Variants in PCSK4 observed in about 807,000 individuals in gnomAD.
PCSK4 encodes proprotein convertase subtilisin/kexin type 4.
PCSK4 carries 64 observed loss-of-function variants against 80.3 expected under a neutral mutation model. The ratio of observed to expected loss-of-function variants is 0.80; its 90% CI spans 0.65 to 0.98. PCSK4 has a LOEUF of 0.98. Among genes scored for constraint, PCSK4 ranks in the 50% least tolerant of loss-of-function variants. The pLI, the probability that PCSK4 is intolerant of heterozygous loss-of-function variation, is 0.00. For synonymous variants in PCSK4, 561 were observed against 487.6 expected (o/e 1.15, Z -1.98); for missense variants, 1,213 against 1,093.6 (o/e 1.11, Z -1.54).
Position 1,481,930 on chromosome 19 carries a change from G to A in PCSK4, c.2097C>T (p.Ala699=), listed in dbSNP as rs550655447. 9 of 1,596,842 alleles carry A rather than the reference G, an allele frequency of 5.6e-6. No individual in the cohort carries two copies. In the South Asian group the frequency reaches 9.0e-5, roughly 16 times the overall value. ...AGGCTGGGCAGCGGTGGTGGGGACA[G>A]GCGGCAGCTCTAAGCCGGGGGCGGC... Residue 699 remains alanine, a synonymous_variant, in exon 15 of 15, where the codon GCC becomes GCT. Coordinates refer to ENST00000300954, the Ensembl canonical transcript of PCSK4.
exon 1 of PCSK4, chr19:1,490,379 C>T: frequency 1.2e-6 from 1 of 805,712 alleles, no homozygotes; most frequent in Non-Finnish European, 1.8e-6. Context: ...CTGCGCAAAT[C>T]CCCTCCCTCC....
At position 1,487,776 on chromosome 19, in the gene PCSK4, C is replaced by G; in HGVS notation, c.593+9G>C. ...GGCTTCCCCCGTGTGCTGTGGGAGC[C>G]CTGCTCACCGGTTCTCTTTGCTGGG... On this transcript the variant is annotated intron_variant, in intron 5 of 14. Transcript: ENST00000300954. 3 of 1,569,402 alleles carry G rather than the reference C, an allele frequency of 1.9e-6. No homozygotes were observed. Among genetic ancestry groups the G allele is most frequent in the East Asian group, 2.3e-5 (1 of 42,822 alleles).
chr19:1,487,468 A>T (rs2084690264), intron 6 of PCSK4, 135 bp downstream of exon 6: 3 of 993,314 alleles, frequency 3.0e-6, no homozygotes, highest in Non-Finnish European at 4.5e-6. Context: ...GCACCCCCCA[A>T]GCCCTGGAGT....
chr19:1,485,468 G>A (rs1390117033), intron 8 of PCSK4, among the ~76,000 whole-genome samples: 1 of 152,172 alleles, frequency 6.6e-6, no homozygotes, highest in East Asian at 1.9e-4. Context: ...AAGAGGCTGA[G>A]GCACAAGAAT....
At chr19:1,486,618 G>C (rs148332279) in intron 8 of PCSK4, among the ~76,000 whole-genome samples, 4 of 151,856 alleles carry the variant, frequency 2.6e-5, no homozygotes, top group Middle Eastern at 3.4e-3. Context: ...AGTTTTAGTA[G>C]AGACAGGGTT....
At chr19:1,481,530 G>A (rs1398017327) in exon 15 of PCSK4, 1 of 418,136 alleles carries the variant, frequency 2.4e-6, no homozygotes, top group African/African-American at 2.0e-5. Context: ...GGCTTTTGGG[G>A]TGCTCCAGCC....
chr19:1,486,033 T>C (rs749181348), intron 8 of PCSK4, among the ~76,000 whole-genome samples: 49 of 152,076 alleles, frequency 3.2e-4, no homozygotes, highest in Non-Finnish European at 5.6e-4. Flanking sequence ...AGTGCAGTGG[T>C]GCAATCTTGG....
chr19:1,490,250 T>G lies in PCSK4; in HGVS notation c.97A>C (p.Ile33Leu), dbSNP rs546327558. 1.2e-6 allele frequency: 2 copies of G among 1,611,262 alleles called. No homozygotes were observed. The highest frequency in any genetic ancestry group is 1.7e-6 in the Non-Finnish European group (2 of 1,179,206). ...TGGACGGCCCAGCTGCTGACATAGA[T>G]GGGGGCTCGGACCGGGGCCCACCCC... The change falls in exon 1 of 15, where the codon ATC (isoleucine) becomes CTC (leucine). Residue 33 changes from isoleucine to leucine, a missense_variant. Physicochemically the swap from Ile to Leu is conservative, Grantham distance 5. Transcript: ENST00000300954.
exon 15 of PCSK4, chr19:1,481,548 C>T: frequency 4.5e-6 from 2 of 446,072 alleles, no homozygotes; most frequent in Non-Finnish European, 7.9e-6. Flanking sequence ...GCCTCTCCCC[C>T]CAGCCCACTC....
At chr19:1,481,969 G>A (rs372709010) in exon 15 of PCSK4, 1 of 1,595,088 alleles carries the variant, frequency 6.3e-7, no homozygotes, top group Non-Finnish European at 8.5e-7. Flanking sequence ...CGGGGGTGGT[G>A]GGTCCCATGC....
chr19:1,486,855 T>C (rs1362330652), exon 8 of PCSK4: 1 of 1,595,624 alleles, frequency 6.3e-7, no homozygotes. Context: ...GCACTCACGA[T>C]CTGGGGGTCG....
At chr19:1,487,204 G>C in exon 7 of PCSK4, 1 of 1,607,982 alleles carries the variant, frequency 6.2e-7, no homozygotes, top group South Asian at 1.1e-5. Context: ...CCGTGCGGCC[G>C]TCGTCCTCGG....
At chr19:1,490,340 G>T in exon 1 of PCSK4, 1 of 1,248,998 alleles carries the variant, frequency 8.0e-7, no homozygotes. Context: ...ATCGGGGCGG[G>T]CCGCATGGAG....
intron 8 of PCSK4, 82 bp from the exon 9 acceptor site, chr19:1,484,209 C>A: frequency 2.5e-6 from 2 of 799,116 alleles, no homozygotes; most frequent in Non-Finnish European, 4.1e-6. Context: ...AAGGACTGGG[C>A]GGGCGCAGTG....
chr19:1,489,669 C>G, intron 2 of PCSK4, 124 bp downstream of exon 2: 1 of 1,459,048 alleles, frequency 6.9e-7, no homozygotes, highest in Non-Finnish European at 9.1e-7. Flanking sequence ...GGGGCCCGGG[C>G]GGGTCTGAGC....
chr19:1,482,905 A>G (rs779526245), exon 13 of PCSK4: 4 of 1,613,538 alleles, frequency 2.5e-6, no homozygotes, highest in Non-Finnish European at 3.4e-6. Flanking sequence ...CCCGTGTTGA[A>G]ATAGTAGCCC....
chr19:1,489,822 G>A lies in PCSK4; in HGVS notation c.265C>T (p.His89Tyr), dbSNP rs376514066. 31 of 1,610,314 alleles carry A rather than the reference G, an allele frequency of 1.9e-5. No homozygotes were observed. The Admixed American group carries it at 3.5e-4, about 18-fold the overall frequency. ...GGGTTTTTCTTCAGGTGCAGGCGGT[G>A]GCCCCAGTGCGGGGTCAGGGACTGC... The change falls in exon 2 of 15, where the codon CAC becomes TAC. Residue 89 changes from histidine to tyrosine, a missense_variant. By Grantham distance (83) the His-to-Tyr change is moderately conservative. Coordinates refer to ENST00000300954, the Ensembl canonical transcript of PCSK4.
chr19:1,482,252 C>A, intron 14 of PCSK4, 45 bp from the exon 15 acceptor site: 1 of 1,524,588 alleles, frequency 6.6e-7, no homozygotes, highest in Non-Finnish European at 8.8e-7. Flanking sequence ...TTGCCACCCG[C>A]AGCCTGTTAC....
chr19:1,488,570 C>A (rs2084765584), intron 2 of PCSK4, among the ~76,000 whole-genome samples: 1 of 151,870 alleles, frequency 6.6e-6, no homozygotes, highest in African/African-American at 2.4e-5. Flanking sequence ...CTCTCTCCTG[C>A]ATCACTTCCT....
Sources: gnomAD v4.1 joint callset for allele counts (sites outside exome capture counted in the v4.1 genomes callset) on GRCh38, gnomAD v4.1.1 for gene constraint, MANE v1.5 for transcripts, NCBI Gene and HGNC (gene_info 2026-07-23, HGNC 2026-07-21) for gene names.